The following PHLDB2 variants were observed in gnomAD, a reference collection of about 807,000 sequenced individuals.
PHLDB2 encodes the protein pleckstrin homology like domain family B member 2, also known as pleckstrin homology-like domain family B member 2.
A neutral mutation model predicts 123.6 loss-of-function variants in PHLDB2; 71 were observed. The ratio of observed to expected loss-of-function variants is 0.57; its 90% CI spans 0.47 to 0.70. The LOEUF is 0.70. Among genes scored for constraint, PHLDB2 ranks in the 30% least tolerant of loss-of-function variants. PHLDB2 has a pLI of 0.00. For missense variants in PHLDB2, 1,446 were observed against 1,519.5 expected, an observed-to-expected ratio of 0.95 and a Z score of 0.80; for synonymous variants, 547 against 541.6, an observed-to-expected ratio of 1.01 and a Z score of -0.14.
At chr3:111,748,946 C>T (rs1322801606) in intron 1 of PHLDB2, among the ~76,000 whole-genome samples, 2 of 151,870 alleles carry the variant, frequency 1.3e-5, no homozygotes, top group Non-Finnish European at 2.9e-5. Context: ...ATGAGTTTCT[C>T]ATTTACATTT....
At chr3:111,811,669 A>G (rs922331524) in intron 1 of PHLDB2, among the ~76,000 whole-genome samples, 4 of 152,082 alleles carry the variant, frequency 2.6e-5, no homozygotes, top group Non-Finnish European at 5.9e-5. Flanking sequence ...CACACACGAA[A>G]AAATGAAATG....
chr3:111,945,452 C>T (rs1282882237), intron 9 of PHLDB2, 95 bp downstream of exon 9: 3 of 944,154 alleles, frequency 3.2e-6, no homozygotes, highest in Non-Finnish European at 1.7e-6. Flanking sequence ...AAAATATTAA[C>T]TCAAAGGACC....
chr3:111,805,990 G>T (rs1478815080), intron 1 of PHLDB2, among the ~76,000 whole-genome samples: 10 of 151,038 alleles, frequency 6.6e-5, no homozygotes. Flanking sequence ...ACAGAGAATT[G>T]GTCAAGAGTT....
chr3:111,839,405 C>T (rs1576835829), intron 1 of PHLDB2, among the ~76,000 whole-genome samples: 1 of 152,220 alleles, frequency 6.6e-6, no homozygotes, highest in East Asian at 1.9e-4. Context: ...ACACATTATT[C>T]AACAGTGATG....
chr3:111,775,256 A>T (rs1005402550), intron 1 of PHLDB2, among the ~76,000 whole-genome samples: 1 of 152,160 alleles, frequency 6.6e-6, no homozygotes, highest in African/African-American at 2.4e-5. Flanking sequence ...TCATTTTGCT[A>T]GATGCAGGGT....
At chr3:111,774,515 T>C (rs2060233028) in intron 1 of PHLDB2, among the ~76,000 whole-genome samples, 1 of 152,218 alleles carries the variant, frequency 6.6e-6, no homozygotes, top group Non-Finnish European at 1.5e-5. Context: ...GAAGCATCAC[T>C]GCTAGAAATG....
At chr3:111,942,868 TTAAG>T (rs1290859589) in intron 8 of PHLDB2, among the ~76,000 whole-genome samples, 13 of 150,834 alleles carry the variant, frequency 8.6e-5, no homozygotes, top group South Asian at 2.1e-4. Context: ...ATATGTAATA[TTAAG>T]TAAGTGTCTT....
At chr3:111,834,239 A>AATAGAATT (rs572080171) in intron 1 of PHLDB2, among the ~76,000 whole-genome samples, 4,559 of 84,944 alleles carry the variant, frequency 0.054, 776 homozygotes, top group South Asian at 0.12. Context: ...TTATGTATAT[A>AATAGAATT]ATAGAATTAT....
chr3:111,873,600 G>A (rs1448191835), intron 1 of PHLDB2, among the ~76,000 whole-genome samples: 2 of 152,112 alleles, frequency 1.3e-5, no homozygotes, highest in Non-Finnish European at 2.9e-5. Context: ...TGCAGTTTGG[G>A]TGTAAGTGCT....
intron 1 of PHLDB2, among the ~76,000 whole-genome samples, chr3:111,830,887 T>A (rs1185943566): frequency 6.9e-6 from 1 of 144,256 alleles, no homozygotes; most frequent in Non-Finnish European, 1.5e-5. Context: ...GGCGGTGGGA[T>A]CTTAGGGGAC....
chr3:111,794,154 A>G (rs549808594), intron 1 of PHLDB2, among the ~76,000 whole-genome samples: 1 of 152,054 alleles, frequency 6.6e-6, no homozygotes, highest in Non-Finnish European at 1.5e-5. Context: ...CAGAGTGGCG[A>G]TGCTTTCCAG....
intron 1 of PHLDB2, among the ~76,000 whole-genome samples, chr3:111,763,111 T>TCA (rs1373415465): frequency 2.0e-5 from 3 of 152,346 alleles, no homozygotes; most frequent in African/African-American, 7.2e-5. Flanking sequence ...AGCTTTATGA[T>TCA]CCTGCCTGAA....
chr3:111,951,791 C>T (rs566701106), intron 10 of PHLDB2, among the ~76,000 whole-genome samples: 120 of 151,554 alleles, frequency 7.9e-4, no homozygotes, highest in Non-Finnish European at 1.4e-3. Context: ...TTGGGGGGAA[C>T]AGGTAGGGTT....
At chr3:111,814,080 G>A (rs1185915609) in intron 1 of PHLDB2, among the ~76,000 whole-genome samples, 2 of 152,182 alleles carry the variant, frequency 1.3e-5, no homozygotes, top group African/African-American at 2.4e-5. Context: ...TAAGGACATG[G>A]TCCAAAACAG....
At chr3:111,762,770 CT>C (rs1046715173) in intron 1 of PHLDB2, among the ~76,000 whole-genome samples, 78 of 152,166 alleles carry the variant, frequency 5.1e-4, no homozygotes, top group South Asian at 4.1e-3. Context: ...TAATCTTTCT[CT>C]TTTTTTTCTT....
At chr3:111,952,768 ATTCACTGAT>A in intron 11 of PHLDB2, 56 bp downstream of exon 11, 1 of 1,576,232 alleles carries the variant, frequency 6.3e-7, no homozygotes, top group South Asian at 1.2e-5. Context: ...TTGTCATTAT[ATTCACTGAT>A]GTGTAAAGGC....
chr3:111,803,586 C>T (rs559008260), intron 1 of PHLDB2, among the ~76,000 whole-genome samples: 6 of 152,236 alleles, frequency 3.9e-5, no homozygotes, highest in East Asian at 3.9e-4. Context: ...AACACCATCT[C>T]ACCCACCAGC....
At chr3:111,944,547 G>A (rs538090288) in intron 8 of PHLDB2, among the ~76,000 whole-genome samples, 1 of 151,768 alleles carries the variant, frequency 6.6e-6, no homozygotes, top group Non-Finnish European at 1.5e-5. Context: ...TATATCACTG[G>A]GTTGTGATAT....
chr3:111,792,021 T>C (rs1202587329), intron 1 of PHLDB2, among the ~76,000 whole-genome samples: 2 of 152,212 alleles, frequency 1.3e-5, no homozygotes, highest in Non-Finnish European at 2.9e-5. Context: ...CATTCTCCTC[T>C]CTACTTCCAT....
Sources: gnomAD v4.1 joint callset for allele counts (sites outside exome capture counted in the v4.1 genomes callset) on GRCh38, gnomAD v4.1.1 for gene constraint, MANE v1.5 for transcripts, NCBI Gene and HGNC (gene_info 2026-07-23, HGNC 2026-07-21) for gene names.